Variants in SLC44A5 observed in about 807,000 individuals in gnomAD.
SLC44A5 encodes the protein solute carrier family 44 member 5.
Under a neutral mutation model 101.8 loss-of-function variants are expected in SLC44A5, and 57 were observed. The ratio of observed to expected loss-of-function variants is 0.56; its 90% CI spans 0.45 to 0.70. The LOEUF (loss-of-function observed/expected upper bound fraction) is 0.70, where lower values mean the gene tolerates loss of function less well. Ranked by LOEUF, SLC44A5 falls within the 30% of genes least tolerant of loss-of-function variation. The pLI is 0.00. For synonymous variants in SLC44A5, 281 were observed against 290.9 expected (o/e 0.97, Z 0.35); for missense variants, 737 against 853.1 (o/e 0.86, Z 1.70).
chr1:75,571,400 T>C (rs1054954862), intron 1 of SLC44A5, among the ~76,000 whole-genome samples: 2 of 151,982 alleles, frequency 1.3e-5, no homozygotes, highest in African/African-American at 4.8e-5. Context: ...AGAGGGGAGA[T>C]GATTAGCAAA....
At chr1:75,479,426 A>G (rs1570404712) in intron 2 of SLC44A5, among the ~76,000 whole-genome samples, 2 of 152,280 alleles carry the variant, frequency 1.3e-5, no homozygotes, top group Non-Finnish European at 2.9e-5. Context: ...GGAAATAGAG[A>G]CACAAAAAAC....
At chr1:75,585,113 T>A (rs965757889) in intron 1 of SLC44A5, among the ~76,000 whole-genome samples, 8 of 152,206 alleles carry the variant, frequency 5.3e-5, no homozygotes, top group Non-Finnish European at 1.0e-4. Context: ...AATCACTTCA[T>A]CTCACTCAGC....
At chr1:75,605,484 A>G (rs1675270761) in intron 1 of SLC44A5, among the ~76,000 whole-genome samples, 1 of 152,112 alleles carries the variant, frequency 6.6e-6, no homozygotes, top group Non-Finnish European at 1.5e-5. Context: ...TTAAAAAGCT[A>G]TAGTGATTTG....
At chr1:75,283,816 C>A (rs192124115) in intron 5 of SLC44A5, among the ~76,000 whole-genome samples, 34 of 151,868 alleles carry the variant, frequency 2.2e-4, no homozygotes, top group African/African-American at 7.2e-4. Flanking sequence ...AAGTATTTGG[C>A]TTTATTTCTG....
At chr1:75,621,372 A>T in the SLC44A5 span, among the ~76,000 whole-genome samples, 1 of 152,192 alleles carries the variant, frequency 6.6e-6, no homozygotes, top group Non-Finnish European at 1.5e-5. Flanking sequence ...AATAGTCAGA[A>T]TGAGGAAAGG....
At chr1:75,539,117 G>A (rs1255211100) in intron 2 of SLC44A5, among the ~76,000 whole-genome samples, 3 of 152,144 alleles carry the variant, frequency 2.0e-5, no homozygotes, top group Admixed American at 6.5e-5. Flanking sequence ...ACGAATTCAA[G>A]AGAATATAGT....
chr1:75,640,363 C>A, the SLC44A5 span, among the ~76,000 whole-genome samples: 1 of 152,074 alleles, frequency 6.6e-6, no homozygotes, highest in Non-Finnish European at 1.5e-5. Context: ...AGCCCCAGTG[C>A]ACACATGCTT....
chr1:75,342,257 G>A (rs1242731931), intron 3 of SLC44A5, among the ~76,000 whole-genome samples: 1 of 152,064 alleles, frequency 6.6e-6, no homozygotes, highest in African/African-American at 2.4e-5. Context: ...TTTGTACCAG[G>A]GACTACCGTA....
chr1:75,723,325 A>T, the SLC44A5 span, among the ~76,000 whole-genome samples: 1 of 152,112 alleles, frequency 6.6e-6, no homozygotes, highest in Non-Finnish European at 1.5e-5. Flanking sequence ...CCCGTTCCCA[A>T]CATCAGTAAG....
intron 2 of SLC44A5, among the ~76,000 whole-genome samples, chr1:75,477,189 G>C (rs1472227017): frequency 6.6e-6 from 1 of 152,196 alleles, no homozygotes; most frequent in East Asian, 1.9e-4. Context: ...CTGCAGCTGA[G>C]GGTCCTGTCT....
chr1:75,369,775 A>G (rs1380654905), intron 3 of SLC44A5, among the ~76,000 whole-genome samples: 6 of 152,216 alleles, frequency 3.9e-5, no homozygotes, highest in South Asian at 2.1e-4. Context: ...TAATAACTGA[A>G]GATGTTAGTT....
At chr1:75,313,159 CAT>C (rs1655437167) in intron 4 of SLC44A5, among the ~76,000 whole-genome samples, 1 of 152,158 alleles carries the variant, frequency 6.6e-6, no homozygotes, top group Admixed American at 6.5e-5. Flanking sequence ...GCCTCCCACA[CAT>C]GTCTGTTTTC....
intron 1 of SLC44A5, among the ~76,000 whole-genome samples, chr1:75,562,695 A>AT (rs1052582551): frequency 1.8e-4 from 27 of 152,142 alleles, no homozygotes; most frequent in African/African-American, 4.6e-4. Context: ...GTCACAAAAA[A>AT]ATATATATAA....
At chr1:75,627,253 A>G in the SLC44A5 span, among the ~76,000 whole-genome samples, 7 of 152,138 alleles carry the variant, frequency 4.6e-5, no homozygotes, top group African/African-American at 1.7e-4. Context: ...TTGGGTTGAG[A>G]TTTTGTCTTA....
chr1:75,227,322 G>C (rs1647224404), intron 13 of SLC44A5, among the ~76,000 whole-genome samples: 1 of 152,084 alleles, frequency 6.6e-6, no homozygotes, highest in Non-Finnish European at 1.5e-5. Flanking sequence ...CCATGATTGT[G>C]CCACTGCACT....
intron 3 of SLC44A5, among the ~76,000 whole-genome samples, chr1:75,355,868 TA>T (rs991816571): frequency 1.3e-5 from 2 of 152,052 alleles, no homozygotes; most frequent in South Asian, 4.1e-4. Flanking sequence ...ATTTATTTTT[TA>T]AAAAAACCCA....
chr1:75,441,558 A>G (rs1665202126), intron 2 of SLC44A5, among the ~76,000 whole-genome samples: 1 of 152,158 alleles, frequency 6.6e-6, no homozygotes, highest in East Asian at 1.9e-4. Context: ...TATAATAATA[A>G]ACATAATTGA....
At chr1:75,461,854 GA>G in intron 2 of SLC44A5, among the ~76,000 whole-genome samples, 1 of 152,264 alleles carries the variant, frequency 6.6e-6, no homozygotes, top group East Asian at 1.9e-4. Context: ...AAAGGGGAGG[GA>G]AAAATGGAAA....
rs147293147 is a variant in SLC44A5, at chr1:75,264,902, C to T, written c.260+10056G>A. Among the ~76,000 whole-genome samples the T allele has an allele frequency of 5.5e-3, 836 of 151,466 alleles. 9 individuals are homozygous for T. The highest frequency in any genetic ancestry group is 0.02 in the African/African-American group (808 of 41,304). The stretch of plus-strand genomic sequence containing the variant: ...TAACCAAGAAAAAAAGAGAGAAGAC[C>T]CAAATAAATAAAATCAAAAATAAAA... On this transcript the variant is annotated intron_variant, in intron 6 of 23. Coordinates refer to ENST00000370859, the MANE Select transcript of SLC44A5 (RefSeq NM_001130058.2).
Sources: gnomAD v4.1 joint callset for allele counts (sites outside exome capture counted in the v4.1 genomes callset) on GRCh38, gnomAD v4.1.1 for gene constraint, MANE v1.5 for transcripts, NCBI Gene and HGNC (gene_info 2026-07-23, HGNC 2026-07-21) for gene names.